The following MIA3 variants were observed in gnomAD, a reference collection of about 807,000 sequenced individuals.
MIA3 encodes the protein MIA SH3 domain ER export factor 3.
MIA3 carries 90 observed loss-of-function variants against 192.4 expected under a neutral mutation model. The observed-to-expected ratio is 0.47, with a 90% CI of 0.39 to 0.56. MIA3 has a LOEUF of 0.56. Among genes scored for constraint, MIA3 ranks in the 20% least tolerant of loss-of-function variants. MIA3 has a pLI of 0.00. For synonymous variants in MIA3, 740 were observed against 792.8 expected (o/e 0.93, Z 1.12); for missense variants, 2,123 against 2,269.4 (o/e 0.94, Z 1.31).
At chr1:222,656,878 C>A (rs1401883120) in intron 18 of MIA3, among the ~76,000 whole-genome samples, 1 of 152,162 alleles carries the variant, frequency 6.6e-6, no homozygotes, top group Admixed American at 6.5e-5. Flanking sequence ...CACTATTTTT[C>A]ACTTTTATAG....
Position 222,650,393 on chromosome 1 carries a change from TTTG to T in MIA3, c.3720+16_3720+18del. 1.2e-5 allele frequency: 17 copies of T among 1,360,188 alleles called. No individual in the cohort carries two copies. Among genetic ancestry groups the T allele is most frequent in the Non-Finnish European group, 1.6e-5 (16 of 976,932 alleles). The allele number at this position is 1,360,188 out of a possible 1,614,324, so 84.3% of individuals were successfully genotyped here. On this transcript the variant is annotated intron_variant, in intron 9 of 27. Coordinates refer to ENST00000344922, the MANE Select transcript of MIA3 (RefSeq NM_198551.4). Reference sequence around the variant, plus strand: ...TTATGAACAGAAGGTATGATTATTCTTTGTTTTTTTTTTTTTTCATGGTCCCAG... The same window carrying T: ...TTATGAACAGAAGGTATGATTATTCTTTTTTTTTTTTTTTCATGGTCCCAG...
At chr1:222,659,019 A>AT in intron 19 of MIA3, 196 bp downstream of exon 19, 1 of 488,020 alleles carries the variant, frequency 2.0e-6, no homozygotes, top group Non-Finnish European at 3.7e-6. Context: ...AGGGAACTTG[A>AT]TTCGTGCAAA....
intron 3 of MIA3, 125 bp from the exon 4 acceptor site, chr1:222,627,450 G>A: frequency 1.3e-6 from 1 of 796,774 alleles, no homozygotes; most frequent in Non-Finnish European, 2.0e-6. Flanking sequence ...AGTGCCCAGT[G>A]TTGACGCAAA....
intron 6 of MIA3, among the ~76,000 whole-genome samples, chr1:222,642,895 G>C (rs1662925794): frequency 6.9e-6 from 1 of 145,806 alleles, no homozygotes; most frequent in Non-Finnish European, 1.5e-5. Flanking sequence ...CTATAGGTTT[G>C]CTAGCGGCTA....
intron 1 of MIA3, among the ~76,000 whole-genome samples, chr1:222,619,965 T>C (rs1423066199): frequency 6.6e-6 from 1 of 152,182 alleles, no homozygotes. Context: ...CTATGATCTA[T>C]TGTAAGGGGG....
chr1:222,650,281 T>TC lies in MIA3; in HGVS notation c.3632-10dup. ...GATCATAATAACCTTATTATTTTTT[T>TC]CTTTTTTCAGTCACGGAACAGCAAA... On this transcript the variant is annotated splice_polypyrimidine_tract_variant and intron_variant, in intron 8 of 27. Transcript: ENST00000344922. 6.6e-7 allele frequency: 1 copy of TC among 1,516,110 alleles called. No homozygotes were observed. Among genetic ancestry groups the TC allele is most frequent in the Non-Finnish European group, 9.1e-7 (1 of 1,094,878 alleles). The allele number at this position is 1,516,110 out of a possible 1,614,324, so 93.9% of individuals were successfully genotyped here. A position where few individuals can be genotyped will look rare whatever the true frequency, so the allele number is the denominator to read the frequency against.
chr1:222,636,915 G>T, intron 6 of MIA3, among the ~76,000 whole-genome samples: 1 of 152,116 alleles, frequency 6.6e-6, no homozygotes, highest in East Asian at 1.9e-4. Context: ...TACTCTGCTT[G>T]GGTTCCCTAT....
intron 6 of MIA3, among the ~76,000 whole-genome samples, chr1:222,636,462 C>A (rs1053173003): frequency 2.0e-5 from 3 of 151,252 alleles, no homozygotes; most frequent in African/African-American, 7.3e-5. Flanking sequence ...GAAGGAGAGA[C>A]CTCCTTGCAT....
chr1:222,667,276 A>C lies in MIA3; in HGVS notation c.*1657A>C, dbSNP rs1172668252. 1 of 152,214 alleles carries C rather than the reference A, an allele frequency of 6.6e-6. No individual in the cohort carries two copies. The highest frequency in any genetic ancestry group is 1.9e-4 in the East Asian group (1 of 5,200). The allele number at this position is 152,214 out of a possible 1,614,324, so 9.4% of individuals were successfully genotyped here. On this transcript the variant is annotated 3_prime_UTR_variant, in exon 28 of 28. Transcript: ENST00000344922. Reference sequence around the variant, plus strand: ...CCCGTTTAATATCAAGAATAGAAGAAATTAAGAGGAAAACTCCACAGAAGA... The same window carrying C: ...CCCGTTTAATATCAAGAATAGAAGACATTAAGAGGAAAACTCCACAGAAGA...
intron 22 of MIA3, 44 bp from the exon 23 acceptor site, chr1:222,659,862 T>G (rs768017862): frequency 1.8e-5 from 29 of 1,603,098 alleles, no homozygotes; most frequent in Middle Eastern, 1.6e-4. Context: ...TGGTTTCTAT[T>G]TCATATTTAA....
At chr1:222,660,384 T>C in intron 24 of MIA3, 70 bp downstream of exon 24, 1 of 1,489,622 alleles carries the variant, frequency 6.7e-7, no homozygotes, top group Non-Finnish European at 9.1e-7. Flanking sequence ...AGAATTCTAA[T>C]GCAAACACTT....
intron 15 of MIA3, among the ~76,000 whole-genome samples, 184 bp downstream of exon 15, chr1:222,653,523 G>T (rs917655091): frequency 3.9e-5 from 6 of 152,260 alleles, no homozygotes; most frequent in Admixed American, 1.3e-4. Context: ...CAGTAAGCAT[G>T]CAGTGAACAC....
At position 222,627,695 on chromosome 1, in the gene MIA3, G is replaced by A. The variant is rs1392968794; in HGVS notation, c.475G>A (p.Glu159Lys). ...AGCTACAGATTCTGAGAAAGCTGTAGAAAAAACTTTACAGGATATGGAAAA... is the reference window on the plus strand; with the variant it reads ...AGCTACAGATTCTGAGAAAGCTGTAAAAAAAACTTTACAGGATATGGAAAA... Reference protein sequence around the residue: ...SAATDSEKAVEKTLQDMEKNP... With the variant: ...SAATDSEKAVKKTLQDMEKNP... The change falls in exon 4 of 28, where the codon GAA becomes AAA. Residue 159 changes from glutamate to lysine, a missense_variant. Glu to Lys is a moderately conservative substitution (Grantham distance 56). Around this residue, in one of 3 missense-constraint regions of MIA3, gnomAD observed 1,357 missense variants for 1,396.1 expected, o/e 0.97. Transcript: ENST00000344922. 1.9e-6 allele frequency: 3 copies of A among 1,613,590 alleles called. No individual in the cohort carries two copies. The East Asian group carries it at 6.7e-5, about 36-fold the overall frequency.
intron 4 of MIA3, among the ~76,000 whole-genome samples, chr1:222,631,657 C>G (rs1662402154): frequency 1.3e-5 from 2 of 152,122 alleles, no homozygotes. Context: ...TGGACTGTCC[C>G]CTAAGCCTCT....
chr1:222,648,422 G>C (rs561455023), intron 7 of MIA3, among the ~76,000 whole-genome samples: 1 of 152,110 alleles, frequency 6.6e-6, no homozygotes, highest in South Asian at 2.1e-4. Flanking sequence ...TTGAGTAGTC[G>C]TTGTTTTTAG....
In MIA3 at chr1:222,665,553, T is replaced by G. The variant is rs762025025; in HGVS notation, c.5658T>G (p.Asp1886Glu). 1 of 1,614,134 alleles carries G rather than the reference T, an allele frequency of 6.2e-7. No homozygotes were observed. Among genetic ancestry groups the G allele is most frequent in the African/African-American group, 1.3e-5 (1 of 75,056 alleles). ...VRDLLPSGSR[D>E]EPPPASQSTS... Reference sequence around the variant, plus strand: ...ACTTACTGCCGTCAGGCTCTAGAGATGAGCCTCCACCTGCCTCTCAGAGCA... The same window carrying G: ...ACTTACTGCCGTCAGGCTCTAGAGAGGAGCCTCCACCTGCCTCTCAGAGCA... The change falls in exon 28 of 28, where the codon GAT (aspartate) becomes GAG (glutamate). Residue 1886 changes from aspartate (D) to glutamate (E), a missense_variant. Coordinates refer to ENST00000344922, the MANE Select transcript of MIA3 (RefSeq NM_198551.4).
chr1:222,622,283 G>C (rs1661906753), intron 2 of MIA3, among the ~76,000 whole-genome samples: 1 of 152,160 alleles, frequency 6.6e-6, no homozygotes, highest in Non-Finnish European at 1.5e-5. Flanking sequence ...GATTCACTGG[G>C]AGTGACCTGA....
At position 222,643,944 on chromosome 1, in the gene MIA3, C is replaced by CCCT. The variant is rs1558185558; in HGVS notation, c.3478-1610_3478-1609insCCT. On this transcript the variant is annotated intron_variant, in intron 6 of 27. Transcript: ENST00000344922. ...AACAGTAAGCAGAGGACTGAGTGGGCAAGGAAGAAAGGCCGCGCACTGCAG... is the reference window on the plus strand; with the variant it reads ...AACAGTAAGCAGAGGACTGAGTGGGCCCTAAGGAAGAAAGGCCGCGCACTGCAG... Among the ~76,000 whole-genome samples the CCCT allele has an allele frequency of 2.7e-5, 4 of 145,724 alleles. No individual in the cohort carries two copies. In the Admixed American group the frequency reaches 3.0e-4, roughly 11 times the overall value.
Position 222,633,218 on chromosome 1 carries a change from TATATTC to T in MIA3, c.3449_3454del (p.Tyr1150_Ser1151del). 1 of 1,611,192 alleles carries T rather than the reference TATATTC, an allele frequency of 6.2e-7. No homozygotes were observed. Among genetic ancestry groups the T allele is most frequent in the Non-Finnish European group, 8.5e-7 (1 of 1,179,128 alleles). ...CCTTTGGAAAACGCAATCCTTCTAA[TATATTC>T]ATTCATGTTTTATTTAACTAAGTCG... On this transcript the variant is annotated inframe_deletion, in exon 6 of 28. Coordinates refer to ENST00000344922, the MANE Select transcript of MIA3 (RefSeq NM_198551.4).
Sources: allele counts gnomAD v4.1 joint callset (sites outside exome capture counted in the v4.1 genomes callset), GRCh38; gene constraint gnomAD v4.1.1; regional missense constraint gnomAD v4.1.1; transcripts MANE v1.5; gene names NCBI Gene and HGNC (gene_info 2026-07-23, HGNC 2026-07-21).